Variants in ACACA observed in about 807,000 individuals in gnomAD.
The protein encoded by ACACA is acetyl-CoA carboxylase 1.
A neutral mutation model predicts 296.1 loss-of-function variants in ACACA; 103 were observed. The ratio of observed to expected loss-of-function variants is 0.35; its 90% confidence interval spans 0.30 to 0.41. The LOEUF is 0.41. Ranked by LOEUF, ACACA falls within the 10% of genes least tolerant of loss-of-function variation. ACACA has a pLI of 1.00. For synonymous variants in ACACA, 953 were observed against 1,038.6 expected (o/e 0.92, Z 1.58); for missense variants, 1,554 against 2,989.7 (o/e 0.52, Z 11.20).
At chr17:37,114,115 C>G (rs527862105) in intron 50 of ACACA, among the ~76,000 whole-genome samples, 2 of 151,550 alleles carry the variant, frequency 1.3e-5, no homozygotes, top group African/African-American at 4.9e-5. Flanking sequence ...CCCAAGAGGT[C>G]GAGGCTGCAG....
chr17:37,309,531 G>A (rs747880734), intron 3 of ACACA, among the ~76,000 whole-genome samples: 6 of 152,122 alleles, frequency 3.9e-5, no homozygotes, highest in African/African-American at 1.4e-4. Context: ...AGCCTCTTTG[G>A]GGAAATGATA....
chr17:37,345,593 C>T (rs982657968), intron 1 of ACACA, among the ~76,000 whole-genome samples: 2 of 151,992 alleles, frequency 1.3e-5, no homozygotes, highest in African/African-American at 2.4e-5. Context: ...TAAAAAAATG[C>T]AACTTGAAGA....
At chr17:37,197,867 AATGTT>A (rs2078075175) in intron 35 of ACACA, among the ~76,000 whole-genome samples, 1 of 152,184 alleles carries the variant, frequency 6.6e-6, no homozygotes, top group Non-Finnish European at 1.5e-5. Flanking sequence ...CTTAAACCTT[AATGTT>A]CTCTATGCTC....
chr17:37,150,289 C>A (rs2075982901), intron 44 of ACACA, among the ~76,000 whole-genome samples: 1 of 151,890 alleles, frequency 6.6e-6, no homozygotes, highest in Non-Finnish European at 1.5e-5. Context: ...CACCTGTAAT[C>A]CCGGCACTTT....
chr17:37,114,110 G>A (rs2074116175), intron 50 of ACACA, among the ~76,000 whole-genome samples: 1 of 152,098 alleles, frequency 6.6e-6, no homozygotes, highest in Non-Finnish European at 1.5e-5. Flanking sequence ...TTGAGCCCAA[G>A]AGGTCGAGGC....
chr17:37,235,285 C>A (rs1483662473), intron 24 of ACACA, among the ~76,000 whole-genome samples, 186 bp from the exon 25 acceptor site: 2 of 152,106 alleles, frequency 1.3e-5, no homozygotes, highest in African/African-American at 4.8e-5. Context: ...GACTAGGAGT[C>A]AGGCAATTTG....
chr17:37,200,239 C>T, intron 34 of ACACA, 56 bp from the exon 35 acceptor site: 4 of 1,483,208 alleles, frequency 2.7e-6, no homozygotes, highest in Non-Finnish European at 2.8e-6. Flanking sequence ...CAATTAGTAA[C>T]AAAATCAAAA....
intron 3 of ACACA, among the ~76,000 whole-genome samples, chr17:37,297,780 ACCT>A (rs1331964750): frequency 6.6e-6 from 1 of 151,812 alleles, no homozygotes; most frequent in Non-Finnish European, 1.5e-5. Flanking sequence ...CGTACTCGTG[ACCT>A]CAGGTGATCC....
Position 37,086,215 on chromosome 17 carries a change from G to A in ACACA, c.*1101C>T, listed in dbSNP as rs1321085635. 1.9e-5 allele frequency: 3 copies of A among 161,794 alleles called. No homozygotes were observed. The highest frequency in any genetic ancestry group is 2.0e-4 in the South Asian group (1 of 4,890). The allele number at this position is 161,794 out of a possible 1,614,324, so 10.0% of individuals were successfully genotyped here. A position where few individuals can be genotyped will look rare whatever the true frequency, so the allele number is the denominator to read the frequency against. ...ACCAGGGTCCTTTCAGAGCTGTGGGGAGACCTGCTGCCTGTCTACACTCTG... is the reference window on the plus strand; with the variant it reads ...ACCAGGGTCCTTTCAGAGCTGTGGGAAGACCTGCTGCCTGTCTACACTCTG... On this transcript the variant is annotated 3_prime_UTR_variant, in exon 56 of 56. Transcript: ENST00000616317.
At chr17:37,107,647 G>A (rs905727794) in intron 52 of ACACA, among the ~76,000 whole-genome samples, 5 of 152,226 alleles carry the variant, frequency 3.3e-5, no homozygotes, top group Admixed American at 6.5e-5. Flanking sequence ...GGCGCAGTGC[G>A]GTGCTGCATG....
intron 24 of ACACA, among the ~76,000 whole-genome samples, chr17:37,239,711 C>T (rs942943109): frequency 6.6e-6 from 1 of 152,066 alleles, no homozygotes; most frequent in Non-Finnish European, 1.5e-5. Context: ...ACCTTGAATG[C>T]GTGGGATAAA....
intron 24 of ACACA, among the ~76,000 whole-genome samples, chr17:37,238,423 G>T (rs2080225889): frequency 6.6e-6 from 1 of 150,858 alleles, no homozygotes. Flanking sequence ...TCTGTTTCTG[G>T]GTCATTAAGT....
chr17:37,152,943 C>T (rs1441279515), intron 43 of ACACA, among the ~76,000 whole-genome samples: 1 of 152,174 alleles, frequency 6.6e-6, no homozygotes, highest in Non-Finnish European at 1.5e-5. Flanking sequence ...ATCTCTGCTT[C>T]CCAGATTCTG....
intron 9 of ACACA, 74 bp from the exon 10 acceptor site, chr17:37,270,935 C>T: frequency 9.2e-7 from 1 of 1,085,760 alleles, no homozygotes; most frequent in Non-Finnish European, 1.4e-6. Flanking sequence ...GCATTTTTCT[C>T]CCTTTAAGAA....
intron 3 of ACACA, among the ~76,000 whole-genome samples, chr17:37,305,892 G>GTT (rs1202121523): frequency 3.1e-5 from 4 of 128,716 alleles, no homozygotes; most frequent in Non-Finnish European, 6.6e-5. Context: ...AATTTTAGCA[G>GTT]TTTTTTTTTT....
intron 1 of ACACA, among the ~76,000 whole-genome samples, chr17:37,343,372 T>G (rs1272248785): frequency 6.6e-6 from 1 of 152,218 alleles, no homozygotes; most frequent in African/African-American, 2.4e-5. Context: ...TCCATGCAAT[T>G]CTAATAAAGA....
At chr17:37,133,166 T>A (rs78966804) in intron 45 of ACACA, among the ~76,000 whole-genome samples, 1 of 152,158 alleles carries the variant, frequency 6.6e-6, no homozygotes, top group Non-Finnish European at 1.5e-5. Context: ...CTGACCAGCC[T>A]TATCTTGGGA....
chr17:37,203,611 C>T (rs1252729479), intron 33 of ACACA, among the ~76,000 whole-genome samples: 1 of 151,808 alleles, frequency 6.6e-6, no homozygotes, highest in Non-Finnish European at 1.5e-5. Flanking sequence ...GGTGTGGTGG[C>T]GCATGTCTGT....
chr17:37,103,443 T>A (rs2073480767), intron 52 of ACACA, among the ~76,000 whole-genome samples: 2 of 152,210 alleles, frequency 1.3e-5, no homozygotes. Flanking sequence ...ATGGTTTTCT[T>A]TCTTTTCTAG....
Sources: gnomAD v4.1 joint callset for allele counts (sites outside exome capture counted in the v4.1 genomes callset) on GRCh38, gnomAD v4.1.1 for gene constraint, MANE v1.5 for transcripts, NCBI Gene and HGNC (gene_info 2026-07-23, HGNC 2026-07-21) for gene names.